The following LRRTM4 variants were observed in gnomAD, a reference collection of about 807,000 sequenced individuals.
LRRTM4 encodes the protein leucine-rich repeat transmembrane neuronal protein 4.
A neutral mutation model predicts 47.6 loss-of-function variants in LRRTM4; 25 were observed. The observed-to-expected ratio is 0.53, with a 90% CI of 0.38 to 0.73. The LOEUF is 0.73. Among genes scored for constraint, LRRTM4 ranks in the 30% least tolerant of loss-of-function variants. The pLI, the probability that LRRTM4 is intolerant of heterozygous loss-of-function variation, is 0.00. For synonymous variants in LRRTM4, 311 were observed against 269.5 expected, an observed-to-expected ratio of 1.15 and a Z score of -1.51; for missense variants, 638 against 713.4, an observed-to-expected ratio of 0.89 and a Z score of 1.20.
chr2:77,192,795 T>A (rs1011560224), intron 3 of LRRTM4, among the ~76,000 whole-genome samples: 2 of 152,218 alleles, frequency 1.3e-5, no homozygotes, highest in African/African-American at 4.8e-5. Context: ...ATAAGATATT[T>A]CACATTTGGG....
rs192757798 is a variant in LRRTM4 at position 77,417,882 on chromosome 2, G to A, written c.1551+100436C>T. 5.8e-3 allele frequency among the ~76,000 whole-genome samples: 890 copies of A among 152,142 alleles called. 27 individuals are homozygous for A. Among genetic ancestry groups the A allele is most frequent in the Admixed American group, 0.043 (660 of 15,288 alleles). On this transcript the variant is annotated intron_variant, in intron 3 of 3. Transcript: ENST00000409884. Reference sequence around the variant, plus strand: ...CATATGTAACAAACCTGCACGTTGTGCACATGTACCCTAAAACTTAAAGTA... The same window carrying A: ...CATATGTAACAAACCTGCACGTTGTACACATGTACCCTAAAACTTAAAGTA...
chr2:76,933,401 G>A (rs1423956403), intron 3 of LRRTM4, among the ~76,000 whole-genome samples: 1 of 151,874 alleles, frequency 6.6e-6, no homozygotes, highest in Non-Finnish European at 1.5e-5. Context: ...CTGCTTGCCT[G>A]CAGAGGTATA....
intron 3 of LRRTM4, among the ~76,000 whole-genome samples, chr2:77,186,548 C>T (rs1399090441): frequency 6.6e-6 from 1 of 152,054 alleles, no homozygotes. Context: ...ACATAGAAAG[C>T]ACTGTATTTC....
rs374712598 is a variant in LRRTM4 at position 76,928,418 on chromosome 2, G to A, written c.1552-179502C>T. ...GAGATGTAAAGACTTTCAATTTTGT[G>A]GTTGCAAGATCAAATTCTGCAGCGT... is the stretch of plus-strand genomic sequence containing the variant. On this transcript the variant is annotated intron_variant, in intron 3 of 3. Coordinates refer to ENST00000409884, the MANE Select transcript of LRRTM4 (RefSeq NM_001134745.3). 5.3e-3 allele frequency among the ~76,000 whole-genome samples: 802 copies of A among 152,242 alleles called. 3 individuals carry two copies. The highest frequency in any genetic ancestry group is 0.011 in the South Asian group (53 of 4,832).
intron 3 of LRRTM4, among the ~76,000 whole-genome samples, chr2:76,932,727 C>T (rs1674813125): frequency 6.6e-6 from 1 of 151,814 alleles, no homozygotes; most frequent in Non-Finnish European, 1.5e-5. Flanking sequence ...TATTCATAGA[C>T]ACACATGTGT....
At chr2:76,936,306 G>A (rs1352000365) in intron 3 of LRRTM4, among the ~76,000 whole-genome samples, 2 of 151,950 alleles carry the variant, frequency 1.3e-5, no homozygotes, top group Non-Finnish European at 2.9e-5. Context: ...GATGAAGCTG[G>A]AAACCATCAT....
chr2:77,092,134 C>G (rs1298620545), intron 3 of LRRTM4, among the ~76,000 whole-genome samples: 1 of 152,134 alleles, frequency 6.6e-6, no homozygotes, highest in Non-Finnish European at 1.5e-5. Flanking sequence ...TTCCTCATAC[C>G]TGACGCATAT....
intron 3 of LRRTM4, among the ~76,000 whole-genome samples, chr2:77,513,343 T>C (rs1415287036): frequency 6.6e-6 from 1 of 152,126 alleles, no homozygotes; most frequent in Admixed American, 6.6e-5. Context: ...AGAATGACCA[T>C]AGAGACTTTA....
At chr2:77,376,958 CTCTT>C (rs1672864035) in intron 3 of LRRTM4, among the ~76,000 whole-genome samples, 1 of 151,820 alleles carries the variant, frequency 6.6e-6, no homozygotes, top group African/African-American at 2.4e-5. Context: ...GGAGATTTGT[CTCTT>C]TCTCCATATG....
chr2:77,195,485 A>G (rs1407486637), intron 3 of LRRTM4, among the ~76,000 whole-genome samples: 2 of 152,112 alleles, frequency 1.3e-5, no homozygotes, highest in African/African-American at 4.8e-5. Flanking sequence ...ACTACAAAGA[A>G]CTATCTTTGA....
intron 3 of LRRTM4, among the ~76,000 whole-genome samples, chr2:77,406,762 T>G (rs290016): frequency 6.6e-6 from 1 of 152,078 alleles, no homozygotes; most frequent in East Asian, 1.9e-4. Flanking sequence ...GAGAGATTAC[T>G]TTCATTTAAT....
At chr2:77,474,237 G>A (rs1677294223) in intron 3 of LRRTM4, among the ~76,000 whole-genome samples, 1 of 151,650 alleles carries the variant, frequency 6.6e-6, no homozygotes, top group African/African-American at 2.4e-5. Flanking sequence ...ATGAGAGAGA[G>A]AAAGCACAAA....
chr2:77,140,696 G>C (rs1437906919), intron 3 of LRRTM4, among the ~76,000 whole-genome samples: 1 of 152,146 alleles, frequency 6.6e-6, no homozygotes, highest in Non-Finnish European at 1.5e-5. Flanking sequence ...GCAACCTACA[G>C]AATGGGAGAA....
chr2:77,385,571 G>A (rs1673228244), intron 3 of LRRTM4, among the ~76,000 whole-genome samples: 1 of 152,140 alleles, frequency 6.6e-6, no homozygotes, highest in African/African-American at 2.4e-5. Flanking sequence ...GACTGAAGAA[G>A]TATAATTTCT....
At chr2:77,381,317 C>A (rs1050841098) in intron 3 of LRRTM4, among the ~76,000 whole-genome samples, 2 of 151,872 alleles carry the variant, frequency 1.3e-5, no homozygotes, top group Non-Finnish European at 2.9e-5. Flanking sequence ...ATACCAAAAG[C>A]AGAAAATAAA....
At chr2:77,384,199 CTTGTA>C (rs972842325) in intron 3 of LRRTM4, among the ~76,000 whole-genome samples, 1 of 151,286 alleles carries the variant, frequency 6.6e-6, no homozygotes, top group African/African-American at 2.4e-5. Context: ...CCTCAAAAAA[CTTGTA>C]TTATATTAGG....
chr2:77,516,521 C>T (rs544926694), intron 3 of LRRTM4: 1 of 750,202 alleles, frequency 1.3e-6, no homozygotes, highest in South Asian at 6.1e-5. Flanking sequence ...CTAGAATTTT[C>T]TTTTCTTTTT....
intron 3 of LRRTM4, among the ~76,000 whole-genome samples, chr2:77,113,448 G>C (rs1472276842): frequency 6.6e-6 from 1 of 152,166 alleles, no homozygotes; most frequent in Non-Finnish European, 1.5e-5. Flanking sequence ...AGCATTATGA[G>C]GTTCTAGCGT....
chr2:76,845,590 G>T (rs1671815447), intron 3 of LRRTM4, among the ~76,000 whole-genome samples: 1 of 152,186 alleles, frequency 6.6e-6, no homozygotes, highest in South Asian at 2.1e-4. Context: ...CTCCCAGGTA[G>T]AGGGGAGCAC....
Sources: allele counts gnomAD v4.1 joint callset (sites outside exome capture counted in the v4.1 genomes callset), GRCh38; gene constraint gnomAD v4.1.1; transcripts MANE v1.5; gene names NCBI Gene and HGNC (gene_info 2026-07-23, HGNC 2026-07-21).